The following TBC1D16 variants were observed in gnomAD, a reference collection of about 807,000 sequenced individuals.
TBC1D16 encodes TBC1 domain family member 16, also known as CTD-2529O21.1.
TBC1D16 carries 58 observed loss-of-function variants against 74.7 expected under a neutral mutation model. That is an observed-to-expected ratio of 0.78 (90% CI 0.63 to 0.97). TBC1D16 has a LOEUF of 0.97. TBC1D16 is among the 50% of genes least tolerant of loss of function. The pLI is 0.00. For missense variants in TBC1D16, 1,014 were observed against 1,079.5 expected (o/e 0.94, Z 0.85); for synonymous variants, 493 against 474.7 (o/e 1.04, Z -0.50).
rs1218729725 is a variant in TBC1D16, at chr17:79,940,147, C to T, written c.*712G>A. On this transcript the variant is annotated 3_prime_UTR_variant, in exon 12 of 12. Transcript: ENST00000310924. This position sits in a 1 kb window ranked among gnomAD's most constrained non-coding sequence, Gnocchi z 5.4. ...TCTCCAACAGCCTGAGGCTCAGGCT[C>T]CTGGGCAGACAGTTCCCTTCGTGTA... is the stretch of plus-strand genomic sequence containing the variant. 6.6e-6 allele frequency: 1 copy of T among 152,208 alleles called. No homozygotes were observed. The highest frequency in any genetic ancestry group is 1.5e-5 in the Non-Finnish European group (1 of 68,034). The allele number at this position is 152,208 out of a possible 1,614,324, so 9.4% of individuals were successfully genotyped here.
At chr17:79,999,110 G>A (rs1435437657) in intron 3 of TBC1D16, among the ~76,000 whole-genome samples, 1 of 152,052 alleles carries the variant, frequency 6.6e-6, no homozygotes, top group Non-Finnish European at 1.5e-5. Context: ...ACAAAAATTA[G>A]CCGTGTGTGG....
At chr17:80,015,149 G>A (rs189953446) in intron 1 of TBC1D16, among the ~76,000 whole-genome samples, 2 of 152,330 alleles carry the variant, frequency 1.3e-5, no homozygotes, top group African/African-American at 4.8e-5. Flanking sequence ...GGCAGGCACA[G>A]CTGGGCACAA....
In TBC1D16 at chr17:79,956,604, C is replaced by T. The variant is rs369499507; in HGVS notation, c.780-3786G>A. On this transcript the variant is annotated intron_variant, in intron 3 of 11. Transcript: ENST00000310924. This position sits in a 1 kb window ranked among gnomAD's most constrained non-coding sequence, Gnocchi z 4.0. Reference sequence around the variant, plus strand: ...TTGAGGGCGGTTTGTTTCACAGCAACGGATCACTGACACACGCAGGACAAG... The same window carrying T: ...TTGAGGGCGGTTTGTTTCACAGCAATGGATCACTGACACACGCAGGACAAG... Among the ~76,000 whole-genome samples the T allele has an allele frequency of 7.9e-5, 12 of 152,226 alleles. No individual in the cohort carries two copies. In the East Asian group the frequency reaches 1.3e-3, roughly 17 times the overall value.
rs376052722 is a variant in TBC1D16, at chr17:79,941,090, G to A, written c.2073C>T (p.Tyr691=). ...LVLRKARSLL[Y]QFRLLPRIPC... ...GGATCCGGGGCAGGAGGCGGAACTG[G>A]TACAGCAAACTCCTCGCCTGCAGAC... Residue 691 remains tyrosine (Y), a synonymous_variant, in exon 12 of 12, where the codon TAC becomes TAT. Coordinates refer to ENST00000310924, the MANE Select transcript of TBC1D16 (RefSeq NM_019020.4). The surrounding 1 kb of genome is among the most constrained non-coding windows in gnomAD (Gnocchi z 4.3). The A allele has an allele frequency of 1.4e-5, 22 of 1,584,336 alleles. No individual in the cohort carries two copies. The highest frequency in any genetic ancestry group is 1.7e-5 in the Non-Finnish European group (20 of 1,163,760).
In TBC1D16 at chr17:79,981,165, G is replaced by A. The variant is rs1433494239; in HGVS notation, c.780-28347C>T. On this transcript the variant is annotated intron_variant, in intron 3 of 11. Transcript: ENST00000310924. This position sits in a 1 kb window ranked among gnomAD's most constrained non-coding sequence, Gnocchi z 6.9. ...GAACTTGTTTAGGCATCGTTTCCTC[G>A]CTCCCTCCTTAATCTCCACTCGGCT... Among the ~76,000 whole-genome samples the A allele has an allele frequency of 6.6e-6, 1 of 152,062 alleles. No individual in the cohort carries two copies. The highest frequency in any genetic ancestry group is 2.4e-5 in the African/African-American group (1 of 41,336).
chr17:79,968,842 C>CAAAAAAA, intron 3 of TBC1D16, among the ~76,000 whole-genome samples: 2 of 55,390 alleles, frequency 3.6e-5, no homozygotes, highest in Non-Finnish European at 6.0e-5. Context: ...GATGCCGTCT[C>CAAAAAAA]AAAAAAAAAA....
At chr17:80,025,944 C>T (rs2036569563) in intron 1 of TBC1D16, 1 of 149,912 alleles carries the variant, frequency 6.7e-6, no homozygotes, top group Non-Finnish European at 1.5e-5. Flanking sequence ...ACCTTCTGCT[C>T]ATTTTTCTGT....
intron 1 of TBC1D16, among the ~76,000 whole-genome samples, chr17:80,030,171 G>A (rs1173437392): frequency 6.6e-6 from 1 of 152,134 alleles, no homozygotes; most frequent in African/African-American, 2.4e-5. Context: ...CCCTGGATTA[G>A]GACATGGGCA....
chr17:79,955,271 C>A (rs540239916), intron 3 of TBC1D16, among the ~76,000 whole-genome samples: 97 of 152,252 alleles, frequency 6.4e-4, no homozygotes, highest in African/African-American at 2.2e-3. Flanking sequence ...CTGGCAGGTA[C>A]CCCAGGCCCT....
chr17:79,951,758 C>T (rs1415617127), intron 4 of TBC1D16, among the ~76,000 whole-genome samples, 161 bp from the exon 5 acceptor site: 2 of 152,162 alleles, frequency 1.3e-5, no homozygotes, highest in African/African-American at 4.8e-5. Flanking sequence ...AGAACTACAC[C>T]GAACAAAAAC....
chr17:79,959,300 C>G (rs1230186966), intron 3 of TBC1D16, among the ~76,000 whole-genome samples: 3 of 152,184 alleles, frequency 2.0e-5, no homozygotes, highest in Admixed American at 2.0e-4. Context: ...AAACCGTCAA[C>G]TTGGTTAAGA....
rs34664664 is a variant in TBC1D16 at position 79,956,192 on chromosome 17, G to C, written c.780-3374C>G. Among the ~76,000 whole-genome samples, 1 of 152,034 alleles carries C rather than the reference G, an allele frequency of 6.6e-6. No homozygotes were observed. Among genetic ancestry groups the C allele is most frequent in the Admixed American group, 6.5e-5 (1 of 15,272 alleles). ...CTGAGTGAACTCCAGGGAGCCCAGCGCAACAGCCTGTCCCAGCCCAGCCCA... is the reference window on the plus strand; with the variant it reads ...CTGAGTGAACTCCAGGGAGCCCAGCCCAACAGCCTGTCCCAGCCCAGCCCA... On this transcript the variant is annotated intron_variant, in intron 3 of 11. Transcript: ENST00000310924. This position sits in a 1 kb window ranked among gnomAD's most constrained non-coding sequence, Gnocchi z 4.0.
At position 79,944,954 on chromosome 17, in the gene TBC1D16, T is replaced by C. The variant is rs1489115044; in HGVS notation, c.1862A>G (p.Glu621Gly). The change falls in exon 10 of 12, where the codon GAG becomes GGG. Residue 621 changes from glutamate (E) to glycine (G), a missense_variant. Glu to Gly is a moderately conservative substitution (Grantham distance 98). Transcript: ENST00000310924. The surrounding 1 kb of genome is among the most constrained non-coding windows in gnomAD (Gnocchi z 7.7). ...LLLCFKREFP[E>G]AEALRIWEAC... ...CTCCCAGATCCGCAGCGCTTCGGCC[T>C]CGGGGAACTCCCGCTTGAAGCACAG... 1.9e-5 allele frequency: 30 copies of C among 1,555,700 alleles called. No homozygotes were observed. The highest frequency in any genetic ancestry group is 2.3e-5 in the Non-Finnish European group (27 of 1,149,578).
chr17:80,013,854 C>G (rs915343899), intron 1 of TBC1D16, among the ~76,000 whole-genome samples: 1 of 152,106 alleles, frequency 6.6e-6, no homozygotes, highest in African/African-American at 2.4e-5. Context: ...CTTCCCAGTA[C>G]GAAAACTAGA....
intron 1 of TBC1D16, among the ~76,000 whole-genome samples, chr17:80,030,743 C>T (rs1444262347): frequency 6.6e-6 from 1 of 152,202 alleles, no homozygotes; most frequent in Admixed American, 6.5e-5. Context: ...GCAGCCCATG[C>T]CCACTAGTGA....
intron 3 of TBC1D16, among the ~76,000 whole-genome samples, chr17:79,972,314 T>C (rs2034144499): frequency 6.6e-6 from 1 of 152,112 alleles, no homozygotes; most frequent in African/African-American, 2.4e-5. Context: ...GTAGCTGGGA[T>C]CACAGGCGTG....
rs989922579 is a variant in TBC1D16 at position 79,936,896 on chromosome 17, G to C, written c.*3963C>G. ...TGTGTGTGTGTGTGTGCATGCGTGCGTGTGTGCATGTGCGTGTGTGTGTGT... is the reference window on the plus strand; with the variant it reads ...TGTGTGTGTGTGTGTGCATGCGTGCCTGTGTGCATGTGCGTGTGTGTGTGT... On this transcript the variant is annotated 3_prime_UTR_variant, in exon 12 of 12. Transcript: ENST00000310924. The C allele has an allele frequency of 7.6e-6, 1 of 132,086 alleles. No individual in the cohort carries two copies. Among genetic ancestry groups the C allele is most frequent in the Non-Finnish European group, 1.6e-5 (1 of 62,402 alleles). 8.2% of individuals were successfully genotyped at this position (132,086 alleles called of 1,614,324 possible). A position where few individuals can be genotyped will look rare whatever the true frequency, so the allele number is the denominator to read the frequency against.
At position 80,008,021 on chromosome 17, in the gene TBC1D16, T is replaced by TA. The variant is rs546582882; in HGVS notation, c.779+2138dup. ...AATACATCCCCACCCTCAGTTGTGA[T>TA]AAAAAAAAAAAAAAAGTGTCTCCTG... On this transcript the variant is annotated intron_variant, in intron 3 of 11. Transcript: ENST00000310924. The surrounding 1 kb of genome is among the most constrained non-coding windows in gnomAD (Gnocchi z 4.5). Among the ~76,000 whole-genome samples, 7,606 of 127,964 alleles carry TA rather than the reference T, an allele frequency of 0.059. 219 individuals carry two copies. Among genetic ancestry groups the TA allele is most frequent in the Non-Finnish European group, 0.067 (3,982 of 59,220 alleles). 83.9% of individuals were successfully genotyped at this position (127,964 alleles called of 152,430 possible).
At position 79,950,009 on chromosome 17, in the gene TBC1D16, C is replaced by T. The variant is rs1018999171; in HGVS notation, c.1258-144G>A. On this transcript the variant is annotated intron_variant, in intron 6 of 11. Coordinates refer to ENST00000310924, the MANE Select transcript of TBC1D16 (RefSeq NM_019020.4). The surrounding 1 kb of genome is among the most constrained non-coding windows in gnomAD (Gnocchi z 4.6). ...TTTGCACATATTTACAAGGGGAAAG[C>T]AGTGGCCTTCAATTCCCATACAGGA... is the stretch of plus-strand genomic sequence containing the variant. 3 of 1,080,504 alleles carry T rather than the reference C, an allele frequency of 2.8e-6. No homozygotes were observed. Among genetic ancestry groups the T allele is most frequent in the South Asian group, 1.7e-5 (1 of 60,194 alleles). The allele number at this position is 1,080,504 out of a possible 1,614,324, so 66.9% of individuals were successfully genotyped here.
Sources: gnomAD v4.1 joint callset for allele counts (sites outside exome capture counted in the v4.1 genomes callset) on GRCh38, gnomAD v4.1.1 for gene constraint, Gnocchi (gnomAD v3.1) non-coding constraint, MANE v1.5 for transcripts, NCBI Gene and HGNC (gene_info 2026-07-23, HGNC 2026-07-21) for gene names.